RECK: variants seen among roughly 807,000 people sequenced by gnomAD.
RECK encodes reversion-inducing cysteine-rich protein with Kazal motifs.
RECK carries 69 observed loss-of-function variants against 115.1 expected under a neutral mutation model. The ratio of observed to expected loss-of-function variants is 0.60; its 90% CI spans 0.49 to 0.73. The LOEUF (loss-of-function observed/expected upper bound fraction) is 0.73, where lower values mean the gene tolerates loss of function less well. Among genes scored for constraint, RECK ranks in the 30% least tolerant of loss-of-function variants. The pLI, the probability that RECK is intolerant of heterozygous loss-of-function variation, is 0.00. For missense variants in RECK, 1,047 were observed against 1,203.7 expected (o/e 0.87, Z 1.93); for synonymous variants, 414 against 419.7 (o/e 0.99, Z 0.17).
intron 1 of RECK, among the ~76,000 whole-genome samples, chr9:36,042,423 AGTGTGTGT>A (rs35193636): frequency 0.012 from 1,667 of 144,442 alleles, 27 homozygotes; most frequent in African/African-American, 0.032. Flanking sequence ...AGTATTCCAT[AGTGTGTGT>A]GTGTGTGTGT....
intron 10 of RECK, among the ~76,000 whole-genome samples, chr9:36,097,371 A>G (rs1358560979): frequency 6.6e-6 from 1 of 152,098 alleles, no homozygotes; most frequent in East Asian, 1.9e-4. Flanking sequence ...GAAACTTTCA[A>G]AGACCCTTTA....
At chr9:36,078,854 A>ATT (rs1822559678) in intron 6 of RECK, among the ~76,000 whole-genome samples, 1 of 151,330 alleles carries the variant, frequency 6.6e-6, no homozygotes, top group East Asian at 1.9e-4. Flanking sequence ...GACTACCTTT[A>ATT]TTTTATTTTA....
intron 10 of RECK, among the ~76,000 whole-genome samples, chr9:36,092,542 A>ATTTT (rs71508011): frequency 1.1e-4 from 13 of 117,048 alleles, no homozygotes; most frequent in African/African-American, 2.8e-4. Context: ...CACCCAGCTA[A>ATTTT]TTTTTTTTTT....
chr9:36,036,939 A>AGCGGCT lies in RECK; in HGVS notation c.-54_-49dup, dbSNP rs1406302827. 1 of 1,141,960 alleles carries AGCGGCT rather than the reference A, an allele frequency of 8.8e-7. No individual in the cohort carries two copies. The highest frequency in any genetic ancestry group is 1.6e-5 in the African/African-American group (1 of 60,782). 70.7% of individuals were successfully genotyped at this position (1,141,960 alleles called of 1,614,324 possible). The stretch of plus-strand genomic sequence containing the variant: ...CGCGAGCGGCGGCGGTAGCGGCGGC[A>AGCGGCT]GCGGCTGCGGCCAAGCTGGGTCCGA... On this transcript the variant is annotated 5_prime_UTR_variant, in exon 1 of 21. Coordinates refer to ENST00000377966, the MANE Select transcript of RECK (RefSeq NM_021111.3).
intron 9 of RECK, among the ~76,000 whole-genome samples, chr9:36,090,662 G>T (rs1248518763): frequency 2.0e-5 from 3 of 152,120 alleles, no homozygotes; most frequent in Non-Finnish European, 4.4e-5. Context: ...GAATATCTTA[G>T]GGAATAGAAA....
In RECK at chr9:36,101,506, G is replaced by A. The variant is rs1438590439; in HGVS notation, c.1299-588G>A. Reference sequence around the variant, plus strand: ...CAGAGTCCAGTCTATTCTCTGACATGGCTTCGGGATAACCTGATGGGGAAA... The same window carrying A: ...CAGAGTCCAGTCTATTCTCTGACATAGCTTCGGGATAACCTGATGGGGAAA... On this transcript the variant is annotated intron_variant, in intron 11 of 20. Transcript: ENST00000377966. Among the ~76,000 whole-genome samples the A allele has an allele frequency of 3.3e-5, 5 of 152,258 alleles. No individual in the cohort carries two copies. In the South Asian group the frequency reaches 8.3e-4, roughly 25 times the overall value.
At position 36,084,765 on chromosome 9, in the gene RECK, G is replaced by A. The variant is rs542879413; in HGVS notation, c.637+1203G>A. Among the ~76,000 whole-genome samples the A allele has an allele frequency of 5.1e-4, 77 of 152,114 alleles. 2 individuals are homozygous for A. In the South Asian group the frequency reaches 0.013, roughly 26 times the overall value. ...GGGAGGAAGGAAGGAAGGTAGGCCC[G>A]TCCGAGTTGGCCAGCATAGTGACTC... is the stretch of plus-strand genomic sequence containing the variant. On this transcript the variant is annotated intron_variant, in intron 8 of 20. Transcript: ENST00000377966.
intron 1 of RECK, among the ~76,000 whole-genome samples, chr9:36,042,960 G>T (rs936778427): frequency 1.0e-4 from 15 of 146,992 alleles, no homozygotes; most frequent in African/African-American, 3.6e-4. Flanking sequence ...ATGTTTGTTG[G>T]CCATTTGTAT....
intron 4 of RECK, among the ~76,000 whole-genome samples, chr9:36,061,842 G>A (rs1247401472): frequency 1.3e-5 from 2 of 152,072 alleles, no homozygotes; most frequent in African/African-American, 4.8e-5. Flanking sequence ...TTTATAATTG[G>A]GGTAGTTTAT....
chr9:36,111,238 C>T (rs868349808), intron 15 of RECK, among the ~76,000 whole-genome samples: 3 of 152,152 alleles, frequency 2.0e-5, no homozygotes, highest in Non-Finnish European at 4.4e-5. Flanking sequence ...ATTTTACTGA[C>T]CCAAAACTGT....
At chr9:36,097,889 T>C (rs1455400633) in intron 10 of RECK, among the ~76,000 whole-genome samples, 1 of 152,098 alleles carries the variant, frequency 6.6e-6, no homozygotes, top group Non-Finnish European at 1.5e-5. Context: ...ACAATATGAA[T>C]GAACCTGGAG....
In RECK at chr9:36,056,651, A is replaced by G. The variant is rs200625026; in HGVS notation, c.160-2176A>G. Among the ~76,000 whole-genome samples, 57 of 152,360 alleles carry G rather than the reference A, an allele frequency of 3.7e-4. 1 individual carries two copies. The East Asian group carries it at 4.0e-3, about 11-fold the overall frequency. On this transcript the variant is annotated intron_variant, in intron 2 of 20. Transcript: ENST00000377966. ...AGCCACTAGCCACATGTGCCAGGTG[A>G]ACACTTGAAATGTGCTTAAAGAGAC...
intron 14 of RECK, 50 bp from the exon 15 acceptor site, chr9:36,109,907 T>C (rs775125582): frequency 6.6e-7 from 1 of 1,526,648 alleles, no homozygotes; most frequent in South Asian, 1.1e-5. Context: ...ATACGTGCTC[T>C]ATTTCTCAAT....
At chr9:36,079,846 T>G (rs1346344765) in intron 6 of RECK, among the ~76,000 whole-genome samples, 1 of 152,188 alleles carries the variant, frequency 6.6e-6, no homozygotes, top group African/African-American at 2.4e-5. Flanking sequence ...ATTTTTGTCT[T>G]GTTTTGGGTT....
chr9:36,120,820 ATTCATAGATAAAGAAACTAATC>A, intron 19 of RECK, 84 bp downstream of exon 19: 1 of 933,124 alleles, frequency 1.1e-6, no homozygotes, highest in Non-Finnish European at 1.7e-6. Context: ...TGTTGTCCTC[ATTCATAGATAAAGAAACTAATC>A]TTCAGAAAAG....
Position 36,115,704 on chromosome 9 carries a change from G to C in RECK, c.2061-1281G>C, listed in dbSNP as rs191646187. Among the ~76,000 whole-genome samples, 129 of 152,160 alleles carry C rather than the reference G, an allele frequency of 8.5e-4. 1 individual carries two copies. The highest frequency in any genetic ancestry group is 5.9e-5 in the Non-Finnish European group (4 of 68,010). ...TTCAAACCATTTCATGCATAGTGAC[G>C]GTGGTAGTGATTTTGGTGCAGGTTA... On this transcript the variant is annotated intron_variant, in intron 16 of 20. Coordinates refer to ENST00000377966, the MANE Select transcript of RECK (RefSeq NM_021111.3).
intron 5 of RECK, 137 bp downstream of exon 5, chr9:36,064,017 A>T (rs1405676929): frequency 1.4e-6 from 1 of 692,448 alleles, no homozygotes; most frequent in East Asian, 2.8e-5. Context: ...TTTTTTGTAT[A>T]GACCATTTCC....
At chr9:36,078,632 A>G (rs1045369038) in intron 6 of RECK, among the ~76,000 whole-genome samples, 1 of 152,154 alleles carries the variant, frequency 6.6e-6, no homozygotes, top group African/African-American at 2.4e-5. Context: ...GTTGAAAACC[A>G]CTTCTGTGGA....
rs753682106 is a variant in RECK at position 36,087,845 on chromosome 9, T to C, written c.789T>C (p.Cys263=). The C allele has an allele frequency of 1.2e-6, 2 of 1,614,030 alleles. No homozygotes were observed. Among genetic ancestry groups the C allele is most frequent in the East Asian group, 4.5e-5 (2 of 44,876 alleles). ...QPLPQDPLWQ[C]FLESSQSVHP... is the part of the protein sequence containing the mutation. ...TGCCTCAAGATCCTCTTTGGCAATG[T>C]TTTCTTGAAAGCTCACAATCTGTTC... The change falls in exon 9 of 21, where the codon TGT becomes TGC. Residue 263 remains cysteine, a synonymous_variant. Transcript: ENST00000377966.
Sources: allele counts gnomAD v4.1 joint callset (sites outside exome capture counted in the v4.1 genomes callset), GRCh38; gene constraint gnomAD v4.1.1; transcripts MANE v1.5; gene names NCBI Gene and HGNC (gene_info 2026-07-23, HGNC 2026-07-21).